ARRDC1: variants seen among roughly 807,000 people sequenced by gnomAD.
The protein encoded by ARRDC1 is arrestin domain-containing protein 1.
Under a neutral mutation model 40.1 loss-of-function variants are expected in ARRDC1, and 37 were observed. The observed-to-expected ratio is 0.92, with a 90% CI of 0.71 to 1.21. The LOEUF is 1.21. ARRDC1 is among the 50% of genes most tolerant of loss of function. The pLI is 0.00. For synonymous variants in ARRDC1, 310 were observed against 262.5 expected (o/e 1.18, Z -1.75); for missense variants, 641 against 581.9 (o/e 1.10, Z -1.04).
At chr9:137,609,381 C>T (rs565622673) in intron 1 of ARRDC1, among the ~76,000 whole-genome samples, 40 of 152,130 alleles carry the variant, frequency 2.6e-4, no homozygotes, top group Non-Finnish European at 5.0e-4. Flanking sequence ...ACTACAGGCA[C>T]GCGCCACCAG....
chr9:137,606,460 T>C (rs1298928225), intron 1 of ARRDC1, among the ~76,000 whole-genome samples: 1 of 152,238 alleles, frequency 6.6e-6, no homozygotes, highest in Non-Finnish European at 1.5e-5. Context: ...TACCTTGGCC[T>C]CCTGTGGGAA....
rs115087894 is a variant in ARRDC1, at chr9:137,607,980, A to G, written c.118+2145A>G. 9.4e-3 allele frequency among the ~76,000 whole-genome samples: 1,425 copies of G among 152,042 alleles called. 20 individuals carry two copies. Among genetic ancestry groups the G allele is most frequent in the African/African-American group, 0.033 (1,368 of 41,452 alleles). On this transcript the variant is annotated intron_variant, in intron 1 of 7. Coordinates refer to ENST00000371421, the MANE Select transcript of ARRDC1 (RefSeq NM_152285.4). ...AACACAGGAAACATTTTTTATTTTT[A>G]TTTTTTTAATTTATTTTTTCGAGAC... is the stretch of plus-strand genomic sequence containing the variant.
chr9:137,615,273 C>T lies in ARRDC1; in HGVS notation c.*135C>T. 1.2e-6 allele frequency: 1 copy of T among 831,540 alleles called. No individual in the cohort carries two copies. Among genetic ancestry groups the T allele is most frequent in the South Asian group, 2.2e-5 (1 of 45,230 alleles). 51.5% of individuals were successfully genotyped at this position (831,540 alleles called of 1,614,324 possible). A position where few individuals can be genotyped will look rare whatever the true frequency, so the allele number is the denominator to read the frequency against. On this transcript the variant is annotated 3_prime_UTR_variant, in exon 8 of 8. Coordinates refer to ENST00000371421, the MANE Select transcript of ARRDC1 (RefSeq NM_152285.4). ...CCTCTGCCAGCTCCTCTGGCATCCG[C>T]CCTCTTCTCCCTGGGGCTGGGGTGG...
chr9:137,615,213 CTT>C lies in ARRDC1; in HGVS notation c.*76_*77del, dbSNP rs1018691489. The C allele has an allele frequency of 1.9e-5, 26 of 1,371,642 alleles. No homozygotes were observed. The highest frequency in any genetic ancestry group is 2.5e-5 in the Non-Finnish European group (26 of 1,035,726). The allele number at this position is 1,371,642 out of a possible 1,614,324, so 85.0% of individuals were successfully genotyped here. A position where few individuals can be genotyped will look rare whatever the true frequency, so the allele number is the denominator to read the frequency against. On this transcript the variant is annotated 3_prime_UTR_variant, in exon 8 of 8. Transcript: ENST00000371421. ...GCGCCCAGGGCCTCGTGCCTTCTCT[CTT>C]GGCCTAGCCTGGCCCACTCAGGACC...
chr9:137,615,232 C>A lies in ARRDC1; in HGVS notation c.*94C>A. On this transcript the variant is annotated 3_prime_UTR_variant, in exon 8 of 8. Transcript: ENST00000371421. ...TTCTCTCTTGGCCTAGCCTGGCCCACTCAGGACCTGCCCAGCCTCTGCCAG... is the reference window on the plus strand; with the variant it reads ...TTCTCTCTTGGCCTAGCCTGGCCCAATCAGGACCTGCCCAGCCTCTGCCAG... 8.3e-7 allele frequency: 1 copy of A among 1,202,360 alleles called. No homozygotes were observed. The highest frequency in any genetic ancestry group is 1.1e-6 in the Non-Finnish European group (1 of 895,180). 74.5% of individuals were successfully genotyped at this position (1,202,360 alleles called of 1,614,324 possible).
At chr9:137,609,724 C>T (rs565105961) in intron 1 of ARRDC1, among the ~76,000 whole-genome samples, 2 of 152,038 alleles carry the variant, frequency 1.3e-5, no homozygotes, top group Non-Finnish European at 2.9e-5. Context: ...TGGGGTTTCA[C>T]CGTGTTACCT....
intron 1 of ARRDC1, chr9:137,612,652 T>C: frequency 2.2e-6 from 1 of 462,312 alleles, no homozygotes; most frequent in Non-Finnish European, 3.9e-6. Flanking sequence ...CTTTCTGCTC[T>C]GGATTGCAGG....
At chr9:137,612,820 C>T (rs978823295) in intron 1 of ARRDC1, 76 bp from the exon 2 acceptor site, 13 of 1,193,274 alleles carry the variant, frequency 1.1e-5, no homozygotes, top group Admixed American at 8.5e-5. Context: ...GGCCCCAGGT[C>T]GAATTCCTGT....
chr9:137,610,612 G>A (rs1012709962), intron 1 of ARRDC1, among the ~76,000 whole-genome samples: 3 of 148,224 alleles, frequency 2.0e-5, no homozygotes, highest in African/African-American at 7.5e-5. Context: ...TGCTCAGGCT[G>A]GAGTGCAGTG....
At chr9:137,608,284 A>G (rs1331686542) in intron 1 of ARRDC1, among the ~76,000 whole-genome samples, 1 of 152,154 alleles carries the variant, frequency 6.6e-6, no homozygotes, top group Non-Finnish European at 1.5e-5. Flanking sequence ...CCTGGCCAGG[A>G]AACATTTTTT....
intron 1 of ARRDC1, among the ~76,000 whole-genome samples, chr9:137,607,477 G>A (rs1331542686): frequency 6.6e-6 from 1 of 152,222 alleles, no homozygotes; most frequent in Non-Finnish European, 1.5e-5. Context: ...GCCTGGGAGG[G>A]AGCAGTTTTC....
Position 137,614,975 on chromosome 9 carries a change from G to T in ARRDC1, c.1212G>T (p.Glu404Asp). The change falls in exon 7 of 8, where the codon GAG becomes GAT. Residue 404 changes from glutamate to aspartate, a missense_variant. Transcript: ENST00000371421. ...CCAGCACCTTGATTCTTCCTCCAGA[G>T]TACAGTTCTTGGGGCTACCCCTATG... ...PTTSTLILPP[E>D]YSSWGYPYEA... 2 of 1,613,760 alleles carry T rather than the reference G, an allele frequency of 1.2e-6. No homozygotes were observed. The highest frequency in any genetic ancestry group is 1.7e-6 in the Non-Finnish European group (2 of 1,179,936).
In ARRDC1 at chr9:137,610,678, C is replaced by T. The variant is rs569469047; in HGVS notation, c.119-2218C>T. Among the ~76,000 whole-genome samples the T allele has an allele frequency of 8.5e-5, 13 of 152,340 alleles. No homozygotes were observed. In the East Asian group the frequency reaches 2.3e-3, roughly 27 times the overall value. ...TCCCAGGTTCAAGCGATTCTCCTGC[C>T]TCAGCCTCCCTGGTAGCTGGGATTA... On this transcript the variant is annotated intron_variant, in intron 1 of 7. Coordinates refer to ENST00000371421, the MANE Select transcript of ARRDC1 (RefSeq NM_152285.4).
intron 4 of ARRDC1, 73 bp from the exon 5 acceptor site, chr9:137,613,959 G>A: frequency 1.9e-6 from 3 of 1,581,620 alleles, no homozygotes; most frequent in Non-Finnish European, 2.6e-6. Context: ...GCAGGGCTGA[G>A]GGGCCTGTCC....
chr9:137,609,673 C>T (rs894148520), intron 1 of ARRDC1, among the ~76,000 whole-genome samples: 3 of 152,174 alleles, frequency 2.0e-5, no homozygotes, highest in East Asian at 1.9e-4. Flanking sequence ...CAGGGGCACG[C>T]GCCACCACAC....
Position 137,606,052 on chromosome 9 carries a change from G to C in ARRDC1, c.118+217G>C, listed in dbSNP as rs866900458. On this transcript the variant is annotated intron_variant, in intron 1 of 7. Coordinates refer to ENST00000371421, the MANE Select transcript of ARRDC1 (RefSeq NM_152285.4). Reference sequence around the variant, plus strand: ...CTGCCCTCTCGCCGAGGGGCGGCGGGGTCCCGGCGGGGCCTGAAGCGGGTC... The same window carrying C: ...CTGCCCTCTCGCCGAGGGGCGGCGGCGTCCCGGCGGGGCCTGAAGCGGGTC... Among the ~76,000 whole-genome samples, 234 of 151,880 alleles carry C rather than the reference G, an allele frequency of 1.5e-3. 1 individual carries two copies. Among genetic ancestry groups the C allele is most frequent in the African/African-American group, 5.5e-3 (227 of 41,522 alleles).
intron 2 of ARRDC1, 133 bp from the exon 3 acceptor site, chr9:137,613,327 T>C: frequency 1.0e-6 from 1 of 999,444 alleles, no homozygotes; most frequent in Non-Finnish European, 1.5e-6. Flanking sequence ...TGTGCTGCTG[T>C]GGCGCTGGTG....
chr9:137,612,636 T>TG, intron 1 of ARRDC1: 1 of 423,026 alleles, frequency 2.4e-6, no homozygotes, highest in South Asian at 2.6e-5. Context: ...GGATGAGCGT[T>TG]GGGGTCTTTC....
chr9:137,609,269 T>C (rs968356550), intron 1 of ARRDC1, among the ~76,000 whole-genome samples: 1 of 152,184 alleles, frequency 6.6e-6, no homozygotes, highest in African/African-American at 2.4e-5. Context: ...GTTGCTCTTG[T>C]TACCCAGGCT....
Sources: allele counts gnomAD v4.1 joint callset (sites outside exome capture counted in the v4.1 genomes callset), GRCh38; gene constraint gnomAD v4.1.1; transcripts MANE v1.5; gene names NCBI Gene and HGNC (gene_info 2026-07-23, HGNC 2026-07-21).